POLR3B: variants seen among roughly 807,000 people sequenced by gnomAD.
POLR3B encodes the protein RNA polymerase III subunit B.
Under a neutral mutation model 147.4 loss-of-function variants are expected in POLR3B, and 96 were observed. The observed-to-expected ratio is 0.65, with a 90% confidence interval of 0.55 to 0.77. The LOEUF is 0.77. POLR3B is among the 30% of genes least tolerant of loss of function. POLR3B has a pLI of 0.00. For missense variants in POLR3B, 1,036 were observed against 1,413.5 expected, an observed-to-expected ratio of 0.73 and a Z score of 4.28; for synonymous variants, 461 against 485.9, an observed-to-expected ratio of 0.95 and a Z score of 0.67.
At chr12:106,503,147 T>G (rs1446481691) in intron 26 of POLR3B, among the ~76,000 whole-genome samples, 2 of 152,234 alleles carry the variant, frequency 1.3e-5, no homozygotes, top group Non-Finnish European at 2.9e-5. Flanking sequence ...TTATGAAGTT[T>G]CCACTATAAT....
chr12:106,359,452 CTCCCAAGTA>C (rs1181095055), intron 1 of POLR3B, among the ~76,000 whole-genome samples: 1 of 151,826 alleles, frequency 6.6e-6, no homozygotes, highest in Non-Finnish European at 1.5e-5. Flanking sequence ...CTGCCTCAGC[CTCCCAAGTA>C]GCTGGGATTA....
chr12:106,495,881 A>G, intron 23 of POLR3B, 174 bp from the exon 24 acceptor site: 5 of 665,426 alleles, frequency 7.5e-6, no homozygotes, highest in African/African-American at 1.8e-5. Flanking sequence ...GTCGTTTTTG[A>G]ACTGTTTGTC....
chr12:106,368,189 T>C (rs2036557771), intron 4 of POLR3B, among the ~76,000 whole-genome samples: 1 of 151,744 alleles, frequency 6.6e-6, no homozygotes, highest in Non-Finnish European at 1.5e-5. Flanking sequence ...CTCCTTTGCT[T>C]TCTTGGACCG....
At chr12:106,461,148 G>A (rs1226786287) in intron 22 of POLR3B, among the ~76,000 whole-genome samples, 2 of 151,892 alleles carry the variant, frequency 1.3e-5, no homozygotes, top group Admixed American at 6.6e-5. Context: ...AGGCTAGAGT[G>A]CAATAGCACG....
intron 1 of POLR3B, among the ~76,000 whole-genome samples, chr12:106,359,370 C>T (rs1197257231): frequency 2.9e-5 from 4 of 137,034 alleles, no homozygotes; most frequent in Non-Finnish European, 3.0e-5. Context: ...CTAGCTCTGT[C>T]GCCCAGGCTG....
chr12:106,496,466 T>G (rs2038487552), intron 24 of POLR3B: 1 of 597,010 alleles, frequency 1.7e-6, no homozygotes, highest in Admixed American at 3.0e-5. Context: ...GTGATTATTT[T>G]TAGTGATCCT....
At position 106,509,469 on chromosome 12, in the gene POLR3B, T is replaced by C. The variant is rs2038741202; in HGVS notation, c.3322T>C (p.Tyr1108His). Residue 1108 changes from tyrosine to histidine, a missense_variant, in exon 28 of 28, where the codon TAT (tyrosine) becomes CAT (histidine). By Grantham distance (83) the Tyr-to-His change is moderately conservative. Coordinates refer to ENST00000228347, the MANE Select transcript of POLR3B (RefSeq NM_018082.6). ...SCHVSSLRIP[Y>H]ACKLLFQELQ... ...CCACGTGTCTTCCCTCCGTATTCCG[T>C]ATGCCTGCAAGCTGCTCTTCCAGGA... 6.2e-7 allele frequency: 1 copy of C among 1,613,784 alleles called. No homozygotes were observed. The highest frequency in any genetic ancestry group is 8.5e-7 in the Non-Finnish European group (1 of 1,179,704).
At chr12:106,479,133 A>C (rs567333909) in intron 23 of POLR3B, among the ~76,000 whole-genome samples, 2 of 152,176 alleles carry the variant, frequency 1.3e-5, no homozygotes, top group African/African-American at 2.4e-5. Flanking sequence ...AAGTTCCTTC[A>C]GTTCTAGGAC....
rs763272473 is a variant in POLR3B at position 106,393,026 on chromosome 12, C to T, written c.724-5C>T. On this transcript the variant is annotated splice_region_variant and splice_polypyrimidine_tract_variant and intron_variant, in intron 9 of 27. Coordinates refer to ENST00000228347, the MANE Select transcript of POLR3B (RefSeq NM_018082.6). ...CACTCTTTCTATCTTTTCTTTCCTT[C>T]CTAGGCCATGGGTGTTGAGAGTGAC... The T allele has an allele frequency of 1.2e-6, 2 of 1,614,126 alleles. No individual in the cohort carries two copies. The highest frequency in any genetic ancestry group is 1.7e-6 in the Non-Finnish European group (2 of 1,179,988).
At chr12:106,451,514 C>G (rs771156241) in intron 19 of POLR3B, among the ~76,000 whole-genome samples, 2 of 150,960 alleles carry the variant, frequency 1.3e-5, no homozygotes, top group Non-Finnish European at 2.9e-5. Flanking sequence ...TCCAGCTACT[C>G]GGGTGGCTGA....
Position 106,496,857 on chromosome 12 carries a change from G to A in POLR3B, c.2923G>A (p.Asp975Asn). The A allele has an allele frequency of 1.2e-6, 2 of 1,614,070 alleles. No homozygotes were observed. Among genetic ancestry groups the A allele is most frequent in the Non-Finnish European group, 1.7e-6 (2 of 1,179,980 alleles). The change falls in exon 25 of 28, where the codon GAC becomes AAC. Residue 975 changes from aspartate (D) to asparagine (N), a missense_variant. Physicochemically the swap from Asp to Asn is conservative, Grantham distance 23. This residue lies in a region of POLR3B where 88 missense variants were observed against 87.5 expected (regional missense o/e 1.01). Coordinates refer to ENST00000228347, the MANE Select transcript of POLR3B (RefSeq NM_018082.6). Reference sequence around the variant, plus strand: ...CAGTAAAGTGAAGGATGTGTGTGAGGACCTCGTTCGCCATGGTTATAACTA... The same window carrying A: ...CAGTAAAGTGAAGGATGTGTGTGAGAACCTCGTTCGCCATGGTTATAACTA... ...GGSKVKDVCE[D>N]LVRHGYNYLG...
At chr12:106,411,161 G>A (rs184436937) in intron 12 of POLR3B, among the ~76,000 whole-genome samples, 5 of 151,796 alleles carry the variant, frequency 3.3e-5, no homozygotes, top group Admixed American at 2.0e-4. Flanking sequence ...CTTTTGAGAC[G>A]GAGTTTTGCT....
At chr12:106,460,473 T>C (rs1310722570) in intron 22 of POLR3B, among the ~76,000 whole-genome samples, 1 of 152,186 alleles carries the variant, frequency 6.6e-6, no homozygotes, top group Non-Finnish European at 1.5e-5. Context: ...GCAATCTGGC[T>C]TCAGAGCGCT....
chr12:106,369,725 C>A, intron 6 of POLR3B, 42 bp downstream of exon 6: 1 of 1,228,660 alleles, frequency 8.1e-7, no homozygotes, highest in Non-Finnish European at 1.2e-6. Flanking sequence ...TGCCTGGATT[C>A]CAGCCCCATG....
chr12:106,477,748 C>A (rs576532133), intron 23 of POLR3B, among the ~76,000 whole-genome samples: 1 of 152,240 alleles, frequency 6.6e-6, no homozygotes, highest in South Asian at 2.1e-4. Context: ...CACCCACTGG[C>A]CTGCGCCCAC....
chr12:106,379,336 G>A (rs554968802), intron 8 of POLR3B, among the ~76,000 whole-genome samples: 1 of 152,310 alleles, frequency 6.6e-6, no homozygotes, highest in Non-Finnish European at 1.5e-5. Flanking sequence ...TTCTAGTTAT[G>A]AGGCACTGGA....
At chr12:106,448,007 C>T (rs2037745199) in intron 19 of POLR3B, among the ~76,000 whole-genome samples, 1 of 152,116 alleles carries the variant, frequency 6.6e-6, no homozygotes, top group African/African-American at 2.4e-5. Flanking sequence ...TACAAAGATC[C>T]TCATAAAATT....
intron 6 of POLR3B, among the ~76,000 whole-genome samples, chr12:106,372,228 C>A (rs1235028325): frequency 2.0e-5 from 3 of 151,992 alleles, no homozygotes; most frequent in African/African-American, 7.2e-5. Context: ...AACCTCCCTC[C>A]TTCTCTCCCC....
intron 19 of POLR3B, among the ~76,000 whole-genome samples, chr12:106,453,570 A>T (rs372603605): frequency 6.6e-6 from 1 of 151,800 alleles, no homozygotes; most frequent in Admixed American, 6.6e-5. Context: ...AGGAGAAGTT[A>T]AAGAGGCTCA....
Sources: allele counts gnomAD v4.1 joint callset (sites outside exome capture counted in the v4.1 genomes callset), GRCh38; gene constraint gnomAD v4.1.1; regional missense constraint gnomAD v4.1.1; transcripts MANE v1.5; gene names NCBI Gene and HGNC (gene_info 2026-07-23, HGNC 2026-07-21).